Variants in TGFB1 observed in about 807,000 individuals in gnomAD.
The protein encoded by TGFB1 is transforming growth factor beta-1 proprotein.
TGFB1 carries 19 observed loss-of-function variants against 43.8 expected under a neutral mutation model. The observed-to-expected ratio is 0.43, with a 90% CI of 0.30 to 0.64. The LOEUF (loss-of-function observed/expected upper bound fraction) is 0.64, where lower values mean the gene tolerates loss of function less well. TGFB1 is among the 30% of genes least tolerant of loss of function. The probability of loss-of-function intolerance (pLI) is 0.11; values close to 1 mark genes in which losing one functional copy is unlikely to be tolerated. For synonymous variants in TGFB1, 221 were observed against 236.3 expected, an observed-to-expected ratio of 0.94 and a Z score of 0.60; for missense variants, 445 against 529.8, an observed-to-expected ratio of 0.84 and a Z score of 1.57.
At chr19:41,331,390 C>T (rs1040504521) in intron 6 of TGFB1, among the ~76,000 whole-genome samples, 180 bp from the exon 7 acceptor site, 3 of 151,954 alleles carry the variant, frequency 2.0e-5, no homozygotes, top group African/African-American at 4.8e-5. Context: ...TATTCTGTCT[C>T]TCCCCACCTG....
At position 41,341,466 on chromosome 19, in the gene TGFB1, C is replaced by CAAAAAAAAA. The variant is rs770264069; in HGVS notation, c.860+408_860+416dup. 6.6e-3 allele frequency among the ~76,000 whole-genome samples: 233 copies of CAAAAAAAAA among 35,570 alleles called. 30 individuals carry two copies. The highest frequency in any genetic ancestry group is 0.015 in the African/African-American group (124 of 8,010). 23.3% of individuals were successfully genotyped at this position (35,570 alleles called of 152,430 possible). On this transcript the variant is annotated intron_variant, in intron 5 of 6. Coordinates refer to ENST00000221930, the MANE Select transcript of TGFB1 (RefSeq NM_000660.7). ...CAGGTGACAGAGCGAGACTCTGTCT[C>CAAAAAAAAA]AAAAAAAAAAAAAAAAAAAAAAAAA... is the stretch of plus-strand genomic sequence containing the variant.
intron 5 of TGFB1, among the ~76,000 whole-genome samples, chr19:41,335,961 C>T (rs547556775): frequency 1.4e-4 from 21 of 150,940 alleles, no homozygotes; most frequent in Admixed American, 6.6e-5. Flanking sequence ...AGGTAGTGTT[C>T]GAGCTGCCTT....
At chr19:41,344,142 A>T (rs572846535) in intron 3 of TGFB1, among the ~76,000 whole-genome samples, 1 of 151,818 alleles carries the variant, frequency 6.6e-6, no homozygotes, top group Non-Finnish European at 1.5e-5. Context: ...AACAGCATGC[A>T]TGGCTAATTT....
chr19:41,353,046 G>A lies in TGFB1; in HGVS notation c.-2C>T. 1 of 1,523,980 alleles carries A rather than the reference G, an allele frequency of 6.6e-7. No homozygotes were observed. The highest frequency in any genetic ancestry group is 8.8e-7 in the Non-Finnish European group (1 of 1,140,172). 94.4% of individuals were successfully genotyped at this position (1,523,980 alleles called of 1,614,324 possible). On this transcript the variant is annotated 5_prime_UTR_variant, in exon 1 of 7. Coordinates refer to ENST00000221930, the MANE Select transcript of TGFB1 (RefSeq NM_000660.7). This position sits in a 1 kb window ranked among gnomAD's most constrained non-coding sequence, Gnocchi z 5.9. Reference sequence around the variant, plus strand: ...CAGCCGCAGCCCGGAGGGCGGCATGGGGGAGGCGGCGCCCCCCGGCACTGC... The same window carrying A: ...CAGCCGCAGCCCGGAGGGCGGCATGAGGGAGGCGGCGCCCCCCGGCACTGC...
chr19:41,335,988 A>T (rs2037984376), intron 5 of TGFB1, among the ~76,000 whole-genome samples: 1 of 148,778 alleles, frequency 6.7e-6, no homozygotes, highest in African/African-American at 2.5e-5. Context: ...AAATTTTCCT[A>T]TGAAAGTTTT....
intron 5 of TGFB1, among the ~76,000 whole-genome samples, chr19:41,340,400 CCCAGCCGAGTAGCTGGGATTACAGGTG>C (rs1224900718): frequency 6.6e-5 from 10 of 151,854 alleles, no homozygotes; most frequent in African/African-American, 2.4e-4. Flanking sequence ...TAGCCGTAAT[CCCAGCCGAGTAGCTGGGATTACAGGTG>C]CCAGCCACCA....
intron 1 of TGFB1, chr19:41,350,981 A>C (rs2241715): frequency 0.67 from 102,125 of 152,260 alleles, 34,737 homozygotes; most frequent in African/African-American, 0.71. Flanking sequence ...ACGAGGCAAC[A>C]GGACCGTGGA....
Position 41,331,229 on chromosome 19 carries a change from G to GTCAGGGC in TGFB1, c.1015-26_1015-20dup, listed in dbSNP as rs749364437. ...CCAGGACCTGCGGGCGGCGGGCGGG[G>GTCAGGGC]TCAGGGCTCAGGGCTCGTGGAGGGA... On this transcript the variant is annotated intron_variant, in intron 6 of 6. Coordinates refer to ENST00000221930, the MANE Select transcript of TGFB1 (RefSeq NM_000660.7). 32 of 1,503,780 alleles carry GTCAGGGC rather than the reference G, an allele frequency of 2.1e-5. No homozygotes were observed. The highest frequency in any genetic ancestry group is 4.2e-5 in the African/African-American group (3 of 70,954). 93.2% of individuals were successfully genotyped at this position (1,503,780 alleles called of 1,614,324 possible). A position where few individuals can be genotyped will look rare whatever the true frequency, so the allele number is the denominator to read the frequency against.
At chr19:41,335,299 C>T (rs565745647) in intron 5 of TGFB1, among the ~76,000 whole-genome samples, 38 of 152,236 alleles carry the variant, frequency 2.5e-4, no homozygotes, top group Non-Finnish European at 4.4e-4. Flanking sequence ...GGTGACCCAC[C>T]CACCTCGGCC....
At position 41,332,087 on chromosome 19, in the gene TGFB1, T is replaced by TC. The variant is rs768656259; in HGVS notation, c.1014+40dup. 176 of 1,595,036 alleles carry TC rather than the reference T, an allele frequency of 1.1e-4. 3 individuals carry two copies. The South Asian group carries it at 1.9e-3, about 17-fold the overall frequency. ...CTCTCTCCTCTTCCTCCGTCCTGGC[T>TC]CCCCCCAAGCGCATCTCGTAGCCCG... is the stretch of plus-strand genomic sequence containing the variant. On this transcript the variant is annotated intron_variant, in intron 6 of 6. Coordinates refer to ENST00000221930, the MANE Select transcript of TGFB1 (RefSeq NM_000660.7).
In TGFB1 at chr19:41,332,235, G is replaced by A. The variant is rs200527282; in HGVS notation, c.907C>T (p.Arg303Cys). The change falls in exon 6 of 7, where the codon CGC becomes TGC. Residue 303 changes from arginine to cysteine, a missense_variant. Physicochemically the swap from Arg to Cys is radical, Grantham distance 180 (BLOSUM62 -3). Transcript: ENST00000221930. ...CCVRQLYIDF[R>C]KDLGWKWIHE... ...ATCCACTTCCAGCCGAGGTCCTTGC[G>A]GAAGTCAATGTACAGCTGCCGCACG... 14 of 1,614,050 alleles carry A rather than the reference G, an allele frequency of 8.7e-6. No homozygotes were observed. The highest frequency in any genetic ancestry group is 4.2e-6 in the Non-Finnish European group (5 of 1,180,028).
At chr19:41,344,721 G>A in intron 3 of TGFB1, 26 bp downstream of exon 3, 1 of 1,601,698 alleles carries the variant, frequency 6.2e-7, no homozygotes, top group South Asian at 1.1e-5. Context: ...GGAGAAACAG[G>A]GGTGGGACAC....
At chr19:41,343,986 T>TTTC (rs2038087661) in intron 3 of TGFB1, among the ~76,000 whole-genome samples, 1 of 124,488 alleles carries the variant, frequency 8.0e-6, no homozygotes, top group East Asian at 2.0e-4. Flanking sequence ...GAATCTTTTT[T>TTTC]TTTTTTTTTT....
chr19:41,347,222 C>T (rs1051612371), intron 2 of TGFB1, among the ~76,000 whole-genome samples: 1 of 152,094 alleles, frequency 6.6e-6, no homozygotes, highest in Non-Finnish European at 1.5e-5. Context: ...GAAGTTTCAA[C>T]ATGTTGCCCA....
chr19:41,341,382 G>T (rs1026622373), intron 5 of TGFB1, among the ~76,000 whole-genome samples: 1 of 142,472 alleles, frequency 7.0e-6, no homozygotes, highest in African/African-American at 2.6e-5. Context: ...CAGGAGAATC[G>T]TGTGAACCCG....
intron 2 of TGFB1, among the ~76,000 whole-genome samples, chr19:41,347,048 G>A (rs955675133): frequency 3.4e-5 from 5 of 147,058 alleles, no homozygotes; most frequent in South Asian, 2.2e-4. Flanking sequence ...TTTTTGAGAC[G>A]GTCTCGCTCC....
At chr19:41,334,377 AAAAGAAAAGAAAAAAG>A (rs934038763) in intron 5 of TGFB1, among the ~76,000 whole-genome samples, 1 of 151,450 alleles carries the variant, frequency 6.6e-6, no homozygotes, top group African/African-American at 2.4e-5. Context: ...CTCTGTCTTG[AAAAGAAAAGAAAAAAG>A]AAAGAAAAGA....
At chr19:41,334,221 A>G (rs1178137165) in intron 5 of TGFB1, among the ~76,000 whole-genome samples, 1 of 151,988 alleles carries the variant, frequency 6.6e-6, no homozygotes, top group East Asian at 1.9e-4. Flanking sequence ...CTAAAAATAC[A>G]AAAATTAGCT....
Position 41,353,084 on chromosome 19 carries a change from C to A in TGFB1, c.-40G>T, listed in dbSNP as rs1416259729. ...CCCCCGGCACTGCCGAGAGCGCGAACAGGGCTGGTGTGGTGGGGAGGCCCC... is the reference window on the plus strand; with the variant it reads ...CCCCCGGCACTGCCGAGAGCGCGAAAAGGGCTGGTGTGGTGGGGAGGCCCC... On this transcript the variant is annotated 5_prime_UTR_variant, in exon 1 of 7. Coordinates refer to ENST00000221930, the MANE Select transcript of TGFB1 (RefSeq NM_000660.7). The surrounding 1 kb of genome is among the most constrained non-coding windows in gnomAD (Gnocchi z 5.9). 6.7e-7 allele frequency: 1 copy of A among 1,495,900 alleles called. No homozygotes were observed. The highest frequency in any genetic ancestry group is 1.3e-5 in the South Asian group (1 of 76,862). 92.7% of individuals were successfully genotyped at this position (1,495,900 alleles called of 1,614,324 possible).
Sources: gnomAD v4.1 joint callset for allele counts (sites outside exome capture counted in the v4.1 genomes callset) on GRCh38, gnomAD v4.1.1 for gene constraint, Gnocchi (gnomAD v3.1) non-coding constraint, MANE v1.5 for transcripts, NCBI Gene and HGNC (gene_info 2026-07-23, HGNC 2026-07-21) for gene names.